CNTN4: variants seen among roughly 807,000 people sequenced by gnomAD.
CNTN4 encodes the protein contactin-4.
A neutral mutation model predicts 122.5 loss-of-function variants in CNTN4; 77 were observed. The observed-to-expected ratio is 0.63, with a 90% confidence interval of 0.52 to 0.76. The LOEUF (loss-of-function observed/expected upper bound fraction) is 0.76. CNTN4 is among the 30% of genes least tolerant of loss of function. The pLI is 0.00. For missense variants in CNTN4, 1,256 were observed against 1,259.1 expected, an observed-to-expected ratio of 1.00 and a Z score of 0.04; for synonymous variants, 512 against 447.0, an observed-to-expected ratio of 1.15 and a Z score of -1.83.
chr3:2,132,526 A>G (rs2034500582), intron 2 of CNTN4: 1 of 152,108 alleles, frequency 6.6e-6, no homozygotes, highest in South Asian at 2.1e-4. Context: ...TGCTTTGACA[A>G]TCCAGAAAGC....
At chr3:3,052,935 G>GC (rs1281043534) in intron 23 of CNTN4, among the ~76,000 whole-genome samples, 1 of 152,120 alleles carries the variant, frequency 6.6e-6, no homozygotes, top group East Asian at 1.9e-4. Flanking sequence ...TCTAACCTTT[G>GC]CCATGTATGT....
At chr3:2,106,510 C>T (rs2032455254) in intron 2 of CNTN4, among the ~76,000 whole-genome samples, 1 of 152,212 alleles carries the variant, frequency 6.6e-6, no homozygotes, top group Non-Finnish European at 1.5e-5. Context: ...GGGGCTTACA[C>T]CTTCCGAAGC....
At chr3:2,496,162 T>C (rs1478242093) in intron 3 of CNTN4, among the ~76,000 whole-genome samples, 1 of 152,216 alleles carries the variant, frequency 6.6e-6, no homozygotes, top group African/African-American at 2.4e-5. Flanking sequence ...AATTCTGATT[T>C]GTCATGTCAT....
intron 2 of CNTN4, among the ~76,000 whole-genome samples, chr3:2,173,177 T>G (rs2036592042): frequency 6.6e-6 from 1 of 152,182 alleles, no homozygotes. Flanking sequence ...TCATCAAATA[T>G]GATTTTGATG....
At chr3:2,754,336 T>C (rs545048847) in intron 6 of CNTN4, among the ~76,000 whole-genome samples, 1 of 152,344 alleles carries the variant, frequency 6.6e-6, no homozygotes, top group East Asian at 1.9e-4. Context: ...TAGATGACTG[T>C]AAGTCATACA....
At chr3:2,533,102 C>T (rs1036099255) in intron 3 of CNTN4, among the ~76,000 whole-genome samples, 10 of 150,166 alleles carry the variant, frequency 6.7e-5, no homozygotes, top group Middle Eastern at 3.4e-3. Flanking sequence ...GCTACTTTCT[C>T]GGAAAATGTA....
chr3:2,751,837 A>C (rs1398334004), intron 6 of CNTN4, among the ~76,000 whole-genome samples: 2 of 151,938 alleles, frequency 1.3e-5, no homozygotes, highest in African/African-American at 4.8e-5. Context: ...AACAATACAA[A>C]TCCTCATTTT....
In CNTN4 at chr3:2,903,567, G is replaced by A. The variant is rs867683150; in HGVS notation, c.1207+562G>A. Among the ~76,000 whole-genome samples, 13 of 152,208 alleles carry A rather than the reference G, an allele frequency of 8.5e-5. No individual in the cohort carries two copies. The East Asian group carries it at 1.9e-3, about 23-fold the overall frequency. The stretch of plus-strand genomic sequence containing the variant: ...GCCACTGGTACATACTGAGTGCATC[G>A]TCTGCCTGAAACGCTTTTCCTTCCC... On this transcript the variant is annotated intron_variant, in intron 12 of 24. Transcript: ENST00000418658.
At chr3:2,936,261 A>G (rs1319787848) in intron 13 of CNTN4, among the ~76,000 whole-genome samples, 1 of 152,192 alleles carries the variant, frequency 6.6e-6, no homozygotes, top group Non-Finnish European at 1.5e-5. Flanking sequence ...TTCCTAGAGC[A>G]AAGATCCAGT....
chr3:2,244,290 C>T (rs988637916), intron 2 of CNTN4, among the ~76,000 whole-genome samples: 21 of 152,004 alleles, frequency 1.4e-4, no homozygotes, highest in African/African-American at 5.1e-4. Context: ...ATACTGTACT[C>T]ACCTATTTTT....
chr3:2,296,366 G>T (rs1306233618), intron 2 of CNTN4, among the ~76,000 whole-genome samples: 1 of 152,104 alleles, frequency 6.6e-6, no homozygotes, highest in Non-Finnish European at 1.5e-5. Flanking sequence ...GCAGTGGTTT[G>T]TAGTTCTCCT....
At chr3:2,156,706 G>A (rs56743517) in intron 2 of CNTN4, among the ~76,000 whole-genome samples, 2 of 152,142 alleles carry the variant, frequency 1.3e-5, no homozygotes, top group Non-Finnish European at 2.9e-5. Context: ...CACAGACAGC[G>A]TTAACTCTGG....
At chr3:2,339,450 A>G (rs2044096559) in intron 3 of CNTN4, among the ~76,000 whole-genome samples, 1 of 152,198 alleles carries the variant, frequency 6.6e-6, no homozygotes, top group Non-Finnish European at 1.5e-5. Context: ...CTCTCTGGAG[A>G]AGATACTTAA....
Position 3,037,176 on chromosome 3 carries a change from C to G in CNTN4, c.1943-3C>G. The G allele has an allele frequency of 6.2e-7, 1 of 1,614,170 alleles. No homozygotes were observed. Among genetic ancestry groups the G allele is most frequent in the Non-Finnish European group, 8.5e-7 (1 of 1,180,006 alleles). On this transcript the variant is annotated splice_polypyrimidine_tract_variant and splice_region_variant and intron_variant, in intron 17 of 24. Transcript: ENST00000418658. ...ACAGCCCCCACCTTTTGTTGTCTTT[C>G]AGTCCCAGAACTCATTGATGGGAAG...
At chr3:2,923,409 G>C (rs1017305797) in intron 12 of CNTN4, among the ~76,000 whole-genome samples, 3 of 151,902 alleles carry the variant, frequency 2.0e-5, no homozygotes, top group Non-Finnish European at 2.9e-5. Flanking sequence ...ATATGGGATT[G>C]GTAAGTAGGG....
chr3:2,112,133 G>A (rs924794655), intron 2 of CNTN4, among the ~76,000 whole-genome samples: 5 of 152,136 alleles, frequency 3.3e-5, no homozygotes, highest in African/African-American at 1.2e-4. Context: ...AAATGGTTTT[G>A]GCTATGGTCA....
intron 2 of CNTN4, among the ~76,000 whole-genome samples, chr3:2,189,321 C>T (rs989452288): frequency 2.0e-5 from 3 of 152,074 alleles, no homozygotes; most frequent in African/African-American, 4.8e-5. Context: ...CGATGCCTGC[C>T]GCTAGAAGGC....
chr3:2,463,517 T>C (rs1371670367), intron 3 of CNTN4, among the ~76,000 whole-genome samples: 1 of 152,166 alleles, frequency 6.6e-6, no homozygotes, highest in Non-Finnish European at 1.5e-5. Flanking sequence ...CCCAGCACTT[T>C]GGGAGGCTGA....
At chr3:2,922,697 C>A (rs2094440510) in intron 12 of CNTN4, among the ~76,000 whole-genome samples, 1 of 143,464 alleles carries the variant, frequency 7.0e-6, no homozygotes, top group Non-Finnish European at 1.5e-5. Context: ...ACTGCAATCT[C>A]CACCTCCCAG....
Sources: gnomAD v4.1 joint callset for allele counts (sites outside exome capture counted in the v4.1 genomes callset) on GRCh38, gnomAD v4.1.1 for gene constraint, MANE v1.5 for transcripts, NCBI Gene and HGNC (gene_info 2026-07-23, HGNC 2026-07-21) for gene names.